Variants in MARCHF1 observed in about 807,000 individuals in gnomAD.
MARCHF1 encodes membrane associated ring-CH-type finger 1, also known as E3 ubiquitin-protein ligase MARCHF1.
MARCHF1 carries 40 observed loss-of-function variants against 54.2 expected under a neutral mutation model. That is an observed-to-expected ratio of 0.74 (90% CI 0.57 to 0.96). MARCHF1 has a LOEUF of 0.96. Among genes scored for constraint, MARCHF1 ranks in the 40% least tolerant of loss-of-function variants. MARCHF1 has a pLI of 0.00. For missense variants in MARCHF1, 586 were observed against 656.5 expected, an observed-to-expected ratio of 0.89 and a Z score of 1.17; for synonymous variants, 236 against 236.3, an observed-to-expected ratio of 1.00 and a Z score of 0.01.
At chr4:163,836,546 A>T in intron 4 of MARCHF1, among the ~76,000 whole-genome samples, 1 of 6,840 alleles carries the variant, frequency 1.5e-4, no homozygotes, top group South Asian at 0.036. Context: ...CGCCCGGCTA[A>T]TTTATTTTTT....
intron 1 of MARCHF1, among the ~76,000 whole-genome samples, chr4:164,261,862 C>T (rs543219639): frequency 6.0e-4 from 91 of 152,086 alleles, no homozygotes; most frequent in African/African-American, 2.1e-3. Flanking sequence ...AAAGTGTGGC[C>T]GGATGCAGTG....
intron 1 of MARCHF1, among the ~76,000 whole-genome samples, chr4:164,343,447 A>AGG: frequency 6.6e-6 from 1 of 152,184 alleles, no homozygotes; most frequent in Non-Finnish European, 1.5e-5. Flanking sequence ...ATGGGAGAAA[A>AGG]TATTTGCAAA....
intron 5 of MARCHF1, among the ~76,000 whole-genome samples, chr4:163,697,257 T>C (rs1744664364): frequency 6.6e-6 from 1 of 152,180 alleles, no homozygotes; most frequent in South Asian, 2.1e-4. Flanking sequence ...GGAAGGCATG[T>C]GCTTAGGATA....
intron 2 of MARCHF1, among the ~76,000 whole-genome samples, chr4:164,091,038 A>G (rs1463157235): frequency 6.6e-6 from 1 of 152,124 alleles, no homozygotes; most frequent in Non-Finnish European, 1.5e-5. Flanking sequence ...CTCAATCTGC[A>G]CTTGTTCTGA....
At chr4:163,578,731 C>T (rs2110792549) in intron 8 of MARCHF1, among the ~76,000 whole-genome samples, 1 of 152,282 alleles carries the variant, frequency 6.6e-6, no homozygotes, top group African/African-American at 2.4e-5. Flanking sequence ...ATTGCCTGTA[C>T]CATTTCCTCT....
At chr4:163,817,519 C>CA in intron 4 of MARCHF1, among the ~76,000 whole-genome samples, 1 of 151,836 alleles carries the variant, frequency 6.6e-6, no homozygotes, top group South Asian at 2.1e-4. Flanking sequence ...CTTTGGTGTA[C>CA]AATTGTTACT....
chr4:164,356,952 G>T (rs1463185417), intron 1 of MARCHF1, among the ~76,000 whole-genome samples: 1 of 151,698 alleles, frequency 6.6e-6, no homozygotes, highest in Non-Finnish European at 1.5e-5. Context: ...GGGCCTACTT[G>T]TCTGGGCCCC....
intron 4 of MARCHF1, among the ~76,000 whole-genome samples, chr4:163,706,188 A>G (rs4691099): frequency 0.37 from 55,661 of 151,864 alleles, 11,571 homozygotes; most frequent in Non-Finnish European, 0.48. Flanking sequence ...CTGTCACATG[A>G]ATCTCCCATA....
At chr4:164,351,668 G>C (rs1165553602) in intron 1 of MARCHF1, among the ~76,000 whole-genome samples, 1 of 152,000 alleles carries the variant, frequency 6.6e-6, no homozygotes, top group Non-Finnish European at 1.5e-5. Context: ...GGAAAAAACA[G>C]AACAGAAAAA....
chr4:164,064,889 G>A (rs1031012189), intron 2 of MARCHF1, among the ~76,000 whole-genome samples: 1 of 152,082 alleles, frequency 6.6e-6, no homozygotes, highest in South Asian at 2.1e-4. Flanking sequence ...GGCCTTTTCT[G>A]CATCCTTATT....
intron 4 of MARCHF1, among the ~76,000 whole-genome samples, chr4:163,812,103 G>A (rs1428702812): frequency 7.4e-6 from 1 of 134,500 alleles, no homozygotes; most frequent in Admixed American, 7.4e-5. Flanking sequence ...TGGTTCTCAA[G>A]CCATCAGACC....
chr4:163,549,680 A>ATT (rs34896630), intron 8 of MARCHF1, among the ~76,000 whole-genome samples: 15 of 144,644 alleles, frequency 1.0e-4, no homozygotes, highest in African/African-American at 3.0e-4. Context: ...CTTGCTTTTG[A>ATT]TTTTTTTTTT....
At chr4:164,025,426 T>C (rs1158455516) in intron 2 of MARCHF1, among the ~76,000 whole-genome samples, 5 of 151,856 alleles carry the variant, frequency 3.3e-5, no homozygotes, top group African/African-American at 1.2e-4. Flanking sequence ...GAAATTACTA[T>C]CAAGAAGGTC....
chr4:164,199,400 G>A (rs1464076235), intron 1 of MARCHF1, among the ~76,000 whole-genome samples: 1 of 152,116 alleles, frequency 6.6e-6, no homozygotes, highest in Non-Finnish European at 1.5e-5. Flanking sequence ...CCAGCACTTT[G>A]GAAAGCCAAG....
At chr4:163,929,233 C>T (rs1751601704) in intron 3 of MARCHF1, among the ~76,000 whole-genome samples, 1 of 151,968 alleles carries the variant, frequency 6.6e-6, no homozygotes, top group South Asian at 2.1e-4. Context: ...CTTAGGATCA[C>T]TGCTTCCTTG....
At chr4:163,829,731 G>C (rs1207415430) in intron 4 of MARCHF1, among the ~76,000 whole-genome samples, 2 of 143,336 alleles carry the variant, frequency 1.4e-5, no homozygotes, top group Non-Finnish European at 1.6e-5. Context: ...CATTACTTTT[G>C]GCAATGCAAA....
In MARCHF1 at chr4:164,230,285, C is replaced by T. The variant is rs569121679; in HGVS notation, c.-322-118623G>A. ...GTACATGCGCCCATAATCCCAGCTACTCAGGAGGCTGACACAGGAGAATCA... is the reference window on the plus strand; with the variant it reads ...GTACATGCGCCCATAATCCCAGCTATTCAGGAGGCTGACACAGGAGAATCA... On this transcript the variant is annotated intron_variant, in intron 1 of 9. Coordinates refer to ENST00000514618, the MANE Select transcript of MARCHF1 (RefSeq NM_001394959.1). Among the ~76,000 whole-genome samples, 555 of 151,876 alleles carry T rather than the reference C, an allele frequency of 3.7e-3. 4 individuals carry two copies. Among genetic ancestry groups the T allele is most frequent in the African/African-American group, 0.013 (523 of 41,398 alleles).
Position 164,269,490 on chromosome 4 carries a change from A to G in MARCHF1, c.-323+114380T>C, listed in dbSNP as rs181921452. On this transcript the variant is annotated intron_variant, in intron 1 of 9. Coordinates refer to ENST00000514618, the MANE Select transcript of MARCHF1 (RefSeq NM_001394959.1). Reference sequence around the variant, plus strand: ...GTCTTTAAATATTTTCCTTACCTCAACCTCTTGGGATGCACTTATGATTCA... The same window carrying G: ...GTCTTTAAATATTTTCCTTACCTCAGCCTCTTGGGATGCACTTATGATTCA... Among the ~76,000 whole-genome samples, 415 of 151,962 alleles carry G rather than the reference A, an allele frequency of 2.7e-3. 2 individuals carry two copies. Among genetic ancestry groups the G allele is most frequent in the Admixed American group, 4.7e-3 (71 of 15,256 alleles).
chr4:164,187,594 C>A (rs146334143), intron 1 of MARCHF1, among the ~76,000 whole-genome samples: 7 of 152,240 alleles, frequency 4.6e-5, no homozygotes, highest in African/African-American at 1.4e-4. Flanking sequence ...TGTGTTGTCT[C>A]CTCACTGACT....
Sources: gnomAD v4.1 joint callset for allele counts (sites outside exome capture counted in the v4.1 genomes callset) on GRCh38, gnomAD v4.1.1 for gene constraint, MANE v1.5 for transcripts, NCBI Gene and HGNC (gene_info 2026-07-23, HGNC 2026-07-21) for gene names.